Variants in CLEC2L observed in about 807,000 individuals in gnomAD.
The protein encoded by CLEC2L is C-type lectin domain family 2, member L.
Under a neutral mutation model 23.6 loss-of-function variants are expected in CLEC2L, and 14 were observed. That is an observed-to-expected ratio of 0.59 (90% confidence interval 0.39 to 0.93). The LOEUF (loss-of-function observed/expected upper bound fraction) is 0.93. Among genes scored for constraint, CLEC2L ranks in the 40% least tolerant of loss-of-function variants. The pLI is 0.00. For synonymous variants in CLEC2L, 114 were observed against 121.3 expected (o/e 0.94, Z 0.40); for missense variants, 264 against 282.4 (o/e 0.93, Z 0.47).
chr7:139,528,722 T>C (rs146191133), intron 1 of CLEC2L, among the ~76,000 whole-genome samples: 12 of 152,176 alleles, frequency 7.9e-5, no homozygotes, highest in Admixed American at 6.5e-4. Context: ...GAGAATACCA[T>C]GTGATGATAA....
At chr7:139,536,433 A>G (rs569875339) in intron 2 of CLEC2L, 85 bp downstream of exon 2, 10 of 1,160,362 alleles carry the variant, frequency 8.6e-6, no homozygotes, top group South Asian at 2.8e-5. Context: ...GAAAGATTCT[A>G]GACATTCCAA....
chr7:139,534,387 A>G, intron 1 of CLEC2L: 3 of 935,960 alleles, frequency 3.2e-6, no homozygotes, highest in African/African-American at 1.6e-5. Flanking sequence ...CAGTCCCTCT[A>G]TCAAATATGA....
In CLEC2L at chr7:139,534,573, G is replaced by C. The variant is rs116744100; in HGVS notation, c.191-1701G>C. 1,486 of 736,076 alleles carry C rather than the reference G, an allele frequency of 2.0e-3. 17 individuals are homozygous for C. The African/African-American group carries it at 0.023, about 11-fold the overall frequency. The allele number at this position is 736,076 out of a possible 1,614,324, so 45.6% of individuals were successfully genotyped here. A position where few individuals can be genotyped will look rare whatever the true frequency, so the allele number is the denominator to read the frequency against. ...ATAAATAATTGTATTGGAAGCATTA[G>C]GGGGGTTGGGGGTGGGCTTGGAACA... On this transcript the variant is annotated intron_variant, in intron 1 of 4. Coordinates refer to ENST00000422142, the MANE Select transcript of CLEC2L (RefSeq NM_001080511.4).
At chr7:139,543,118 T>C (rs1797761277) in intron 4 of CLEC2L, among the ~76,000 whole-genome samples, 1 of 152,190 alleles carries the variant, frequency 6.6e-6, no homozygotes, top group Non-Finnish European at 1.5e-5. Flanking sequence ...CCCTCCCACC[T>C]GAGGATGGCT....
intron 1 of CLEC2L, among the ~76,000 whole-genome samples, chr7:139,524,492 G>C (rs988161786): frequency 6.6e-6 from 1 of 152,128 alleles, no homozygotes; most frequent in Non-Finnish European, 1.5e-5. Context: ...AACACGCTTC[G>C]AGTAAAGTAA....
chr7:139,544,304 A>G lies in CLEC2L; in HGVS notation c.607A>G (p.Thr203Ala), dbSNP rs765775884. The G allele has an allele frequency of 5.6e-6, 9 of 1,613,148 alleles. No homozygotes were observed. The Admixed American group carries it at 1.5e-4, about 27-fold the overall frequency. ...GCTGGTGTCGACGGAGTGTCTGATG[A>G]CCCGGCCCTGGGTGTGCAGCAAGAT... ...TRLVSTECLM[T>A]RPWVCSKMAY... Residue 203 changes from threonine to alanine, a missense_variant, in exon 5 of 5, where the codon ACC (threonine) becomes GCC (alanine). Coordinates refer to ENST00000422142, the MANE Select transcript of CLEC2L (RefSeq NM_001080511.4).
chr7:139,535,658 G>A (rs1797642403), intron 1 of CLEC2L, among the ~76,000 whole-genome samples: 1 of 151,394 alleles, frequency 6.6e-6, no homozygotes. Flanking sequence ...AAATAACAAA[G>A]AGAGAACCCA....
At chr7:139,525,546 A>AC (rs527397633) in intron 1 of CLEC2L, among the ~76,000 whole-genome samples, 19 of 151,166 alleles carry the variant, frequency 1.3e-4, no homozygotes, top group South Asian at 4.2e-4. Context: ...GTGGTCAGAC[A>AC]CCCCCCCGTG....
At chr7:139,538,767 AAAAC>A (rs140946221) in intron 2 of CLEC2L, among the ~76,000 whole-genome samples, 135,646 of 150,898 alleles carry the variant, frequency 0.9, 60,764 homozygotes, top group East Asian at 0.99. Context: ...AAAACAAAAC[AAAAC>A]AAACAAACAA....
At position 139,534,537 on chromosome 7, in the gene CLEC2L, T is replaced by C. The variant is rs573433070; in HGVS notation, c.191-1737T>C. On this transcript the variant is annotated intron_variant, in intron 1 of 4. Transcript: ENST00000422142. ...TCTACATGCTTCTTCATCGGCAGGC[T>C]CAACAGGCTGATAAATAATTGTATT... 2,634 of 764,572 alleles carry C rather than the reference T, an allele frequency of 3.4e-3. 11 individuals are homozygous for C. Among genetic ancestry groups the C allele is most frequent in the Non-Finnish European group, 5.0e-3 (2,077 of 412,834 alleles). The allele number at this position is 764,572 out of a possible 1,614,324, so 47.4% of individuals were successfully genotyped here.
At chr7:139,530,732 G>A (rs1797570269) in intron 1 of CLEC2L, among the ~76,000 whole-genome samples, 1 of 145,784 alleles carries the variant, frequency 6.9e-6, no homozygotes. Flanking sequence ...AGAATTGCTT[G>A]AACCCAGGAA....
At chr7:139,525,103 C>G (rs541210534) in intron 1 of CLEC2L, among the ~76,000 whole-genome samples, 1 of 152,096 alleles carries the variant, frequency 6.6e-6, no homozygotes, top group South Asian at 2.1e-4. Flanking sequence ...TGGAGAGAGA[C>G]GGGCCTGAAG....
chr7:139,529,738 C>T (rs970233182), intron 1 of CLEC2L, among the ~76,000 whole-genome samples: 1 of 152,192 alleles, frequency 6.6e-6, no homozygotes, highest in African/African-American at 2.4e-5. Context: ...TGAACACATG[C>T]ATTTTTTCTT....
Position 139,544,282 on chromosome 7 carries a change from G to C in CLEC2L, c.585G>C (p.Leu195=). ...GECVFVEPTR[L]VSTECLMTRP... ...GTGTCTTCGTGGAGCCCACCAGGCT[G>C]GTGTCGACGGAGTGTCTGATGACCC... Residue 195 remains leucine (L), a synonymous_variant, in exon 5 of 5, where the codon CTG becomes CTC. Coordinates refer to ENST00000422142, the MANE Select transcript of CLEC2L (RefSeq NM_001080511.4). 6.2e-7 allele frequency: 1 copy of C among 1,613,570 alleles called. No homozygotes were observed. The highest frequency in any genetic ancestry group is 8.5e-7 in the Non-Finnish European group (1 of 1,179,718).
At chr7:139,538,620 A>G (rs1386741716) in intron 2 of CLEC2L, among the ~76,000 whole-genome samples, 2 of 151,756 alleles carry the variant, frequency 1.3e-5, no homozygotes, top group Admixed American at 6.6e-5. Flanking sequence ...ATGGTGGCAC[A>G]TGCCTGTAAT....
rs73477452 is a variant in CLEC2L, at chr7:139,544,889, C to G, written c.*547C>G. On this transcript the variant is annotated 3_prime_UTR_variant, in exon 5 of 5. Coordinates refer to ENST00000422142, the MANE Select transcript of CLEC2L (RefSeq NM_001080511.4). ...CCGGGCCCCAGAGGTCCCCTGCATCCCCCTTCTTTGCCTTGCCTGGGTTCT... is the reference window on the plus strand; with the variant it reads ...CCGGGCCCCAGAGGTCCCCTGCATCGCCCTTCTTTGCCTTGCCTGGGTTCT... 0.041 allele frequency: 6,281 copies of G among 153,266 alleles called. 413 individuals are homozygous for G. Among genetic ancestry groups the G allele is most frequent in the African/African-American group, 0.14 (5,925 of 41,572 alleles). The allele number at this position is 153,266 out of a possible 1,614,324, so 9.5% of individuals were successfully genotyped here. A position where few individuals can be genotyped will look rare whatever the true frequency, so the allele number is the denominator to read the frequency against.
intron 1 of CLEC2L, among the ~76,000 whole-genome samples, chr7:139,525,169 G>A (rs1456150486): frequency 1.3e-5 from 2 of 151,996 alleles, no homozygotes; most frequent in Non-Finnish European, 1.5e-5. Context: ...ACTTTGTTCT[G>A]AAGGGGCTAC....
intron 4 of CLEC2L, among the ~76,000 whole-genome samples, chr7:139,543,264 C>T (rs115829168): frequency 0.013 from 1,960 of 152,294 alleles, 46 homozygotes; most frequent in African/African-American, 0.045. Context: ...ATCTCACCCC[C>T]TTTCCTGTCC....
Position 139,540,302 on chromosome 7 carries a change from G to T in CLEC2L, c.266-19G>T, listed in dbSNP as rs1364311299. On this transcript the variant is annotated intron_variant, in intron 2 of 4. Coordinates refer to ENST00000422142, the MANE Select transcript of CLEC2L (RefSeq NM_001080511.4). The surrounding 1 kb of genome is among the most constrained non-coding windows in gnomAD (Gnocchi z 5.8). ...GGGCTGGGGGGGCGGGCAGGGCCGA[G>T]CTGGTCTCTTCCCTGCAGCTTCCAA... 1.3e-6 allele frequency: 2 copies of T among 1,593,744 alleles called. No individual in the cohort carries two copies. The highest frequency in any genetic ancestry group is 4.5e-5 in the East Asian group (2 of 44,096).
Sources: gnomAD v4.1 joint callset for allele counts (sites outside exome capture counted in the v4.1 genomes callset) on GRCh38, gnomAD v4.1.1 for gene constraint, Gnocchi (gnomAD v3.1) non-coding constraint, MANE v1.5 for transcripts, NCBI Gene and HGNC (gene_info 2026-07-23, HGNC 2026-07-21) for gene names.